CERKL: variants seen among roughly 807,000 people sequenced by gnomAD.
The protein encoded by CERKL is CERK like autophagy regulator, also known as ceramide kinase-like protein.
In CERKL, 61 loss-of-function variants were observed where a neutral mutation model predicts 63.4. The observed-to-expected ratio is 0.96, with a 90% CI of 0.78 to 1.19. The LOEUF (loss-of-function observed/expected upper bound fraction) is 1.19, where lower values mean the gene tolerates loss of function less well. CERKL is among the 50% of genes most tolerant of loss of function. The pLI, the probability that CERKL is intolerant of heterozygous loss-of-function variation, is 0.00. For missense variants in CERKL, 675 were observed against 655.5 expected (o/e 1.03, Z -0.33); for synonymous variants, 250 against 230.5 (o/e 1.08, Z -0.77).
intron 2 of CERKL, among the ~76,000 whole-genome samples, chr2:181,597,638 G>C (rs556702393): frequency 1.2e-4 from 18 of 152,324 alleles, no homozygotes; most frequent in African/African-American, 3.8e-4. Context: ...CCCAGGGATA[G>C]AGAACTGGGT....
At chr2:181,545,920 A>G (rs1687707303) in intron 10 of CERKL, among the ~76,000 whole-genome samples, 1 of 152,184 alleles carries the variant, frequency 6.6e-6, no homozygotes, top group Non-Finnish European at 1.5e-5. Context: ...ATTTAATCTT[A>G]GAATACTTAG....
rs79499664 is a variant in CERKL at position 181,589,096 on chromosome 2, C to A, written c.481+14741G>T. 1.5e-4 allele frequency among the ~76,000 whole-genome samples: 23 copies of A among 152,194 alleles called. No individual in the cohort carries two copies. The East Asian group carries it at 4.4e-3, about 29-fold the overall frequency. ...AGCTTTTGGGTTTGATGTAATCCAA[C>A]GTACCTATTTTTGCTTTTGTTGCCT... On this transcript the variant is annotated intron_variant, in intron 2 of 12. Transcript: ENST00000410087.
At chr2:181,614,217 C>A (rs184883247) in intron 1 of CERKL, among the ~76,000 whole-genome samples, 10 of 152,324 alleles carry the variant, frequency 6.6e-5, no homozygotes, top group African/African-American at 2.4e-4. Flanking sequence ...CTCCAGCTAA[C>A]TTCAGTGAAG....
At chr2:181,582,582 A>C (rs1684568964) in intron 2 of CERKL, among the ~76,000 whole-genome samples, 1 of 150,358 alleles carries the variant, frequency 6.7e-6, no homozygotes, top group South Asian at 2.1e-4. Context: ...CCCAGGCTGA[A>C]GTGCAGTGGC....
At chr2:181,627,306 A>T (rs930903264) in intron 1 of CERKL, among the ~76,000 whole-genome samples, 4 of 152,196 alleles carry the variant, frequency 2.6e-5, no homozygotes, top group African/African-American at 4.8e-5. Context: ...GGAAACCCTC[A>T]TTAGTAAAAA....
chr2:181,550,203 A>C lies in CERKL; in HGVS notation c.821-495T>G, dbSNP rs972208690. Reference sequence around the variant, plus strand: ...TCTAAACACATTTAATGAATCTTAGAGGTAAGCTCTTAGCCAAATGAGAAT... The same window carrying C: ...TCTAAACACATTTAATGAATCTTAGCGGTAAGCTCTTAGCCAAATGAGAAT... On this transcript the variant is annotated intron_variant, in intron 5 of 12. Coordinates refer to ENST00000410087, the MANE Select transcript of CERKL (RefSeq NM_201548.5). The surrounding 1 kb of genome is among the most constrained non-coding windows in gnomAD (Gnocchi z 4.5). 2.0e-5 allele frequency among the ~76,000 whole-genome samples: 3 copies of C among 152,226 alleles called. No individual in the cohort carries two copies. Among genetic ancestry groups the C allele is most frequent in the African/African-American group, 4.8e-5 (2 of 41,466 alleles).
At chr2:181,563,219 A>G (rs1307360590) in intron 4 of CERKL, among the ~76,000 whole-genome samples, 1 of 152,114 alleles carries the variant, frequency 6.6e-6, no homozygotes, top group East Asian at 1.9e-4. Context: ...TGGATCTTAG[A>G]GTGTTTCCTA....
At chr2:181,554,164 CAAAAAAA>C (rs36086391) in intron 5 of CERKL, among the ~76,000 whole-genome samples, 27 of 94,256 alleles carry the variant, frequency 2.9e-4, no homozygotes, top group Middle Eastern at 6.0e-3. Flanking sequence ...ACTATGGAGG[CAAAAAAA>C]AAAAAAAAAA....
intron 8 of CERKL, chr2:181,548,092 A>T: frequency 1.7e-6 from 1 of 594,604 alleles, no homozygotes; most frequent in East Asian, 2.8e-5. Flanking sequence ...TAAAGACTAT[A>T]ACCCTTCTTT....
Position 181,655,701 on chromosome 2 carries a change from T to C in CERKL, c.238+1068A>G, listed in dbSNP as rs1029523211. ...AAGACAGTGAGTCTATTCTGTAACA[T>C]AAATACCACACTGTGTCTTGTTTTC... is the stretch of plus-strand genomic sequence containing the variant. On this transcript the variant is annotated intron_variant, in intron 1 of 12. Coordinates refer to ENST00000410087, the MANE Select transcript of CERKL (RefSeq NM_201548.5). Among the ~76,000 whole-genome samples the C allele has an allele frequency of 5.3e-5, 8 of 152,256 alleles. No individual in the cohort carries two copies. In the East Asian group the frequency reaches 1.5e-3, roughly 29 times the overall value.
intron 1 of CERKL, among the ~76,000 whole-genome samples, chr2:181,652,604 G>A (rs1027386642): frequency 1.3e-5 from 2 of 152,014 alleles, no homozygotes; most frequent in Non-Finnish European, 2.9e-5. Flanking sequence ...GACCTCAAAA[G>A]CATAGACAAA....
chr2:181,598,691 A>G (rs561096919), intron 2 of CERKL, among the ~76,000 whole-genome samples: 92 of 152,248 alleles, frequency 6.0e-4, no homozygotes, highest in Non-Finnish European at 1.1e-3. Flanking sequence ...AGACTTCTGC[A>G]CCCTCAGCCC....
At chr2:181,626,170 T>A (rs1221454583) in intron 1 of CERKL, among the ~76,000 whole-genome samples, 2 of 152,186 alleles carry the variant, frequency 1.3e-5, no homozygotes, top group Non-Finnish European at 2.9e-5. Flanking sequence ...TAATACACTA[T>A]TATAATACTT....
At chr2:181,577,001 C>T (rs61649289) in intron 2 of CERKL, among the ~76,000 whole-genome samples, 1 of 152,026 alleles carries the variant, frequency 6.6e-6, no homozygotes, top group South Asian at 2.1e-4. Flanking sequence ...AATTACCTGA[C>T]GTGCTTCTTA....
chr2:181,652,639 C>T (rs1019236022), intron 1 of CERKL, among the ~76,000 whole-genome samples: 2 of 152,128 alleles, frequency 1.3e-5, no homozygotes, highest in Non-Finnish European at 2.9e-5. Flanking sequence ...AACTAAAAAA[C>T]TTTGCACCTT....
At chr2:181,618,682 G>C (rs555672697) in intron 1 of CERKL, among the ~76,000 whole-genome samples, 153 of 152,268 alleles carry the variant, frequency 1.0e-3, no homozygotes, top group Admixed American at 4.2e-3. Flanking sequence ...ATAGTGTTGA[G>C]ATTACAGGTG....
intron 1 of CERKL, among the ~76,000 whole-genome samples, chr2:181,620,742 G>A (rs553510043): frequency 6.6e-6 from 1 of 152,286 alleles, no homozygotes; most frequent in Admixed American, 6.5e-5. Flanking sequence ...GGACCACTGT[G>A]GTCAGGGATC....
At chr2:181,622,072 AG>A (rs1686479602) in intron 1 of CERKL, among the ~76,000 whole-genome samples, 2 of 152,242 alleles carry the variant, frequency 1.3e-5, no homozygotes, top group African/African-American at 4.8e-5. Flanking sequence ...CAAGAGGTGA[AG>A]CAGGGGAACT....
At chr2:181,544,149 T>A (rs1025156276) in intron 11 of CERKL, among the ~76,000 whole-genome samples, 1 of 152,194 alleles carries the variant, frequency 6.6e-6, no homozygotes, top group Non-Finnish European at 1.5e-5. Flanking sequence ...TGGCTTGTAA[T>A]AGTTACTGTT....
Sources: allele counts gnomAD v4.1 joint callset (sites outside exome capture counted in the v4.1 genomes callset), GRCh38; gene constraint gnomAD v4.1.1; non-coding constraint Gnocchi (gnomAD v3.1); transcripts MANE v1.5; gene names NCBI Gene and HGNC (gene_info 2026-07-23, HGNC 2026-07-21).